Variants in ZNF536 observed in about 807,000 individuals in gnomAD.
ZNF536 encodes the protein zinc finger protein 536.
Under a neutral mutation model 84.5 loss-of-function variants are expected in ZNF536, and 13 were observed. That is an observed-to-expected ratio of 0.15 (90% CI 0.10 to 0.24). The LOEUF (loss-of-function observed/expected upper bound fraction) is 0.24. Ranked by LOEUF, ZNF536 falls within the 10% of genes least tolerant of loss-of-function variation. ZNF536 has a pLI of 1.00. For missense variants in ZNF536, 1,536 were observed against 1,747.5 expected (o/e 0.88, Z 2.16); for synonymous variants, 811 against 742.5 (o/e 1.09, Z -1.50).
chr19:30,321,504 G>A (rs554213370), intron 2 of ZNF536, among the ~76,000 whole-genome samples: 1 of 152,228 alleles, frequency 6.6e-6, no homozygotes, highest in African/African-American at 2.4e-5. Flanking sequence ...GTTGCAGTGG[G>A]CCGAGACCAC....
intron 1 of ZNF536, among the ~76,000 whole-genome samples, chr19:30,230,644 A>T (rs1016559554): frequency 3.3e-5 from 5 of 152,234 alleles, no homozygotes; most frequent in Admixed American, 3.3e-4. Context: ...ACAGTTGCCC[A>T]TAGGGTACTG....
chr19:30,581,838 G>A (rs2046931900), intron 1 of ZNF536, among the ~76,000 whole-genome samples: 1 of 152,132 alleles, frequency 6.6e-6, no homozygotes. Flanking sequence ...GGAAGCTGAG[G>A]CAGGAGAATT....
rs575666999 is a variant in ZNF536, at chr19:30,654,840, A to AC, written c.170-55910dup. Reference sequence around the variant, plus strand: ...TGTGTCTGCCACCCACCCCCCACACACCCCCCCATGCTGGGCAAAGCCACC... The same window carrying AC: ...TGTGTCTGCCACCCACCCCCCACACACCCCCCCCATGCTGGGCAAAGCCACC... On this transcript the variant is annotated intron_variant, in intron 1 of 1. Transcript: ENST00000592773. Among the ~76,000 whole-genome samples, 215 of 129,246 alleles carry AC rather than the reference A, an allele frequency of 1.7e-3. 1 individual carries two copies. Among genetic ancestry groups the AC allele is most frequent in the Non-Finnish European group, 2.9e-3 (179 of 60,844 alleles). 84.8% of individuals were successfully genotyped at this position (129,246 alleles called of 152,430 possible).
intron 1 of ZNF536, among the ~76,000 whole-genome samples, chr19:30,648,338 G>A (rs2049556969): frequency 6.6e-6 from 1 of 152,126 alleles, no homozygotes; most frequent in Admixed American, 6.5e-5. Flanking sequence ...ACCCAGATCT[G>A]CGTGCTGAGA....
chr19:30,463,401 G>C (rs1871959200), intron 2 of ZNF536, among the ~76,000 whole-genome samples: 1 of 152,148 alleles, frequency 6.6e-6, no homozygotes, highest in African/African-American at 2.4e-5. Flanking sequence ...CTTCCAGTAT[G>C]CAGCTGTGGC....
intron 1 of ZNF536, among the ~76,000 whole-genome samples, chr19:30,387,140 T>C (rs1042595586): frequency 6.6e-6 from 1 of 152,250 alleles, no homozygotes; most frequent in African/African-American, 2.4e-5. Flanking sequence ...GCTGAAGATC[T>C]GCCCTCACTC....
At chr19:30,698,758 T>G (rs1030042943) in intron 1 of ZNF536, among the ~76,000 whole-genome samples, 2 of 152,204 alleles carry the variant, frequency 1.3e-5, no homozygotes, top group Non-Finnish European at 2.9e-5. Flanking sequence ...TTTGTCTGGT[T>G]TCTCCACGGA....
intron 1 of ZNF536, among the ~76,000 whole-genome samples, chr19:30,596,858 TA>T (rs59926991): frequency 0.012 from 1,682 of 143,088 alleles, 31 homozygotes; most frequent in African/African-American, 0.03. Flanking sequence ...TTTTTTTAGC[TA>T]AAAAAAAAAA....
At chr19:30,500,932 G>A (rs2054924937) in intron 2 of ZNF536, among the ~76,000 whole-genome samples, 1 of 152,162 alleles carries the variant, frequency 6.6e-6, no homozygotes, top group South Asian at 2.1e-4. Flanking sequence ...CTCTCTTCCA[G>A]GCTCCCTGTC....
intron 1 of ZNF536, among the ~76,000 whole-genome samples, chr19:30,694,099 A>C (rs987410134): frequency 3.9e-5 from 6 of 152,104 alleles, no homozygotes; most frequent in Non-Finnish European, 5.9e-5. Flanking sequence ...ATATCGATAC[A>C]CTTAAGGTGC....
chr19:30,578,917 G>C (rs997304460), intron 1 of ZNF536, among the ~76,000 whole-genome samples: 1 of 152,194 alleles, frequency 6.6e-6, no homozygotes, highest in Non-Finnish European at 1.5e-5. Context: ...GCATCCGCTG[G>C]AATTGAGTTT....
intron 1 of ZNF536, among the ~76,000 whole-genome samples, chr19:30,396,162 A>G (rs957657734): frequency 7.2e-5 from 11 of 152,198 alleles, no homozygotes; most frequent in Admixed American, 7.2e-4. Context: ...TTCTCACCAA[A>G]TAACAAATGC....
chr19:30,432,628 T>A (rs1600706365), intron 1 of ZNF536, among the ~76,000 whole-genome samples: 1 of 152,194 alleles, frequency 6.6e-6, no homozygotes, highest in South Asian at 2.1e-4. Flanking sequence ...TTCTTTCTCA[T>A]GCACGCGGAG....
At chr19:30,271,320 G>A (rs1259790706) in intron 1 of ZNF536, among the ~76,000 whole-genome samples, 3 of 27,604 alleles carry the variant, frequency 1.1e-4, no homozygotes, top group African/African-American at 4.3e-4. Flanking sequence ...TTTTTTTTTT[G>A]CTAAAGCATG....
At chr19:30,664,306 G>A (rs1295040859) in intron 1 of ZNF536, among the ~76,000 whole-genome samples, 1 of 145,432 alleles carries the variant, frequency 6.9e-6, no homozygotes, top group Non-Finnish European at 1.5e-5. Context: ...GAACCAGCCT[G>A]TCCTGTCCTA....
In ZNF536 at chr19:30,385,911, A is replaced by T. The variant is rs1040196228; in HGVS notation, c.-3+13355A>T. Among the ~76,000 whole-genome samples, 7 of 152,170 alleles carry T rather than the reference A, an allele frequency of 4.6e-5. 1 individual carries two copies. The highest frequency in any genetic ancestry group is 3.9e-4 in the Admixed American group (6 of 15,286). ...TCTGGTGCTTAGTGGGACCCCATGGAGTTATCTGAAGGAGTGGCAGTGCCT... is the reference window on the plus strand; with the variant it reads ...TCTGGTGCTTAGTGGGACCCCATGGTGTTATCTGAAGGAGTGGCAGTGCCT... On this transcript the variant is annotated intron_variant, in intron 1 of 4. Transcript: ENST00000355537.
intron 1 of ZNF536, among the ~76,000 whole-genome samples, chr19:30,431,776 TG>T (rs1483240628): frequency 6.6e-5 from 10 of 152,140 alleles, no homozygotes; most frequent in Admixed American, 6.5e-4. Flanking sequence ...CCAGGGCCTC[TG>T]GTTCCCAGGG....
intron 2 of ZNF536, among the ~76,000 whole-genome samples, chr19:30,526,723 CAAAA>C (rs766704469): frequency 6.4e-5 from 3 of 46,872 alleles, no homozygotes; most frequent in African/African-American, 1.2e-4. Flanking sequence ...GACTCCGTCT[CAAAA>C]AAAAAAAAAA....
intron 1 of ZNF536, among the ~76,000 whole-genome samples, chr19:30,575,745 T>G (rs1307734716): frequency 6.6e-6 from 1 of 151,922 alleles, no homozygotes; most frequent in Non-Finnish European, 1.5e-5. Context: ...TTTCCAGAGG[T>G]GGACAGAGAC....
Sources: allele counts gnomAD v4.1 joint callset (sites outside exome capture counted in the v4.1 genomes callset), GRCh38; gene constraint gnomAD v4.1.1; transcripts MANE v1.5; gene names NCBI Gene and HGNC (gene_info 2026-07-23, HGNC 2026-07-21).